The following FXR2 variants were observed in gnomAD, a reference collection of about 807,000 sequenced individuals.
FXR2 encodes the protein RNA-binding protein FXR2.
Under a neutral mutation model 87.3 loss-of-function variants are expected in FXR2, and 9 were observed. The ratio of observed to expected loss-of-function variants is 0.10; its 90% CI spans 0.06 to 0.18. The LOEUF is 0.18. FXR2 is among the 10% of genes least tolerant of loss of function. The pLI, the probability that FXR2 is intolerant of heterozygous loss-of-function variation, is 1.00. For synonymous variants in FXR2, 331 were observed against 328.3 expected (o/e 1.01, Z -0.09); for missense variants, 661 against 893.6 (o/e 0.74, Z 3.32).
rs61730843 is a variant in FXR2, at chr17:7,593,093, G to A, written c.1419C>T (p.Pro473=). 7.1e-3 allele frequency: 11,263 copies of A among 1,594,744 alleles called. 64 individuals are homozygous for A. The highest frequency in any genetic ancestry group is 9.8e-3 in the Middle Eastern group (58 of 5,946). The change falls in exon 13 of 17, where the codon CCC becomes CCT. Residue 473 remains proline, a synonymous_variant. Transcript: ENST00000250113. The surrounding 1 kb of genome is among the most constrained non-coding windows in gnomAD (Gnocchi z 6.1). The part of the protein sequence containing the change: ...PNRAGPGDRD[P]PTRGEESRRR... ...TCCGGCTTTCTTCCCCTCGGGTTGG[G>A]GGATCCCTGTCGCCAGGCCCAGCTC...
intron 3 of FXR2, among the ~76,000 whole-genome samples, chr17:7,605,390 C>A (rs112011970): frequency 0.029 from 4,338 of 151,850 alleles, 91 homozygotes; most frequent in African/African-American, 0.059. Flanking sequence ...ACAACAACAA[C>A]AAAAAAATCA....
At chr17:7,597,661 G>A (rs1454354897) in intron 7 of FXR2, among the ~76,000 whole-genome samples, 2 of 152,186 alleles carry the variant, frequency 1.3e-5, no homozygotes, top group East Asian at 1.9e-4. Flanking sequence ...CACCTGCCTC[G>A]GCTTCCCAAA....
In FXR2 at chr17:7,603,890, A is replaced by G; in HGVS notation, c.316T>C (p.Tyr106His). The G allele has an allele frequency of 6.2e-7, 1 of 1,614,000 alleles. No homozygotes were observed. Among genetic ancestry groups the G allele is most frequent in the Non-Finnish European group, 8.5e-7 (1 of 1,179,884 alleles). Residue 106 changes from tyrosine to histidine, a missense_variant, in exon 5 of 17, where the codon TAT becomes CAT. Tyr to His is a moderately conservative substitution (Grantham distance 83, BLOSUM62 2). Transcript: ENST00000250113. ...TTGTAGGTGGCATCACAGGCAGCAT[A>G]TTCAATGACATAGAACTGGCACATG... ...MMKGDFYVIEYAACDATYNEI... is the reference protein window; with the variant it reads ...MMKGDFYVIEHAACDATYNEI...
chr17:7,591,759 GT>G lies in FXR2; in HGVS notation c.*70del. On this transcript the variant is annotated 3_prime_UTR_variant, in exon 17 of 17. Transcript: ENST00000250113. This position sits in a 1 kb window ranked among gnomAD's most constrained non-coding sequence, Gnocchi z 4.0. ...ATAAGAGCAGCTCCAGCGCAGGTCAGTTGGGCCTGTGAGGGCCATGGTGTTG... is the reference window on the plus strand; with the variant it reads ...ATAAGAGCAGCTCCAGCGCAGGTCAGTGGGCCTGTGAGGGCCATGGTGTTG... The G allele has an allele frequency of 1.2e-6, 1 of 868,378 alleles. No homozygotes were observed. The allele number at this position is 868,378 out of a possible 1,614,324, so 53.8% of individuals were successfully genotyped here.
chr17:7,609,982 A>ATGTG (rs1567753928), intron 1 of FXR2, among the ~76,000 whole-genome samples: 1 of 42,204 alleles, frequency 2.4e-5, no homozygotes, highest in Non-Finnish European at 7.0e-5. Flanking sequence ...ATGTATACAT[A>ATGTG]TATATATACA....
chr17:7,605,496 TA>T, intron 3 of FXR2, 148 bp downstream of exon 3: 1 of 571,254 alleles, frequency 1.8e-6, no homozygotes, highest in Non-Finnish European at 3.2e-6. Context: ...ACAACAGTGA[TA>T]AAAGGGGAAC....
At position 7,614,876 on chromosome 17, in the gene FXR2, C is replaced by G. The variant is rs2071936606; in HGVS notation, c.-344G>C. On this transcript the variant is annotated 5_prime_UTR_variant, in exon 1 of 17. Coordinates refer to ENST00000250113, the MANE Select transcript of FXR2 (RefSeq NM_004860.4). ...CTGCCGCTCCACAGCCTCCACCTCC[C>G]CCTGCCACCGCCGCCTACTGCGCAG... 6.4e-6 allele frequency: 1 copy of G among 156,754 alleles called. No homozygotes were observed. Among genetic ancestry groups the G allele is most frequent in the East Asian group, 1.9e-4 (1 of 5,388 alleles). The allele number at this position is 156,754 out of a possible 1,614,324, so 9.7% of individuals were successfully genotyped here.
At chr17:7,601,661 G>C (rs2071756963) in intron 6 of FXR2, 136 bp from the exon 7 acceptor site, 2 of 593,182 alleles carry the variant, frequency 3.4e-6, no homozygotes, top group Non-Finnish European at 6.1e-6. Context: ...GGGCGCGGTG[G>C]CTCATGCCTG....
intron 1 of FXR2, among the ~76,000 whole-genome samples, chr17:7,611,107 T>C (rs932893742): frequency 6.6e-6 from 1 of 152,176 alleles, no homozygotes; most frequent in Non-Finnish European, 1.5e-5. Flanking sequence ...GATTGCGCCC[T>C]GGACGGTGAA....
Position 7,591,775 on chromosome 17 carries a change from C to A in FXR2, c.*55G>T. The stretch of plus-strand genomic sequence containing the variant: ...CGCAGGTCAGTTGGGCCTGTGAGGG[C>A]CATGGTGTTGGGCAGCAAGCGAGAT... On this transcript the variant is annotated 3_prime_UTR_variant, in exon 17 of 17. Transcript: ENST00000250113. This position sits in a 1 kb window ranked among gnomAD's most constrained non-coding sequence, Gnocchi z 4.0. 1.0e-6 allele frequency: 1 copy of A among 973,964 alleles called. No homozygotes were observed. The highest frequency in any genetic ancestry group is 1.3e-5 in the South Asian group (1 of 76,596). 60.3% of individuals were successfully genotyped at this position (973,964 alleles called of 1,614,324 possible).
Position 7,601,418 on chromosome 17 carries a change from C to T in FXR2, c.651G>A (p.Lys217=), listed in dbSNP as rs1293342046. ...LLMSRNEEAT[K]HLETSKQLAA... The stretch of plus-strand genomic sequence containing the variant: ...AGGAGCTAAAAGTTACCTCTAGGTG[C>T]TTGGTAGCTTCTTCATTGCGGGACA... Residue 217 remains lysine (K), a synonymous_variant, in exon 7 of 17, where the codon AAG becomes AAA. Transcript: ENST00000250113. The T allele has an allele frequency of 2.5e-6, 4 of 1,598,400 alleles. No individual in the cohort carries two copies. In the African/African-American group the frequency reaches 4.0e-5, roughly 16 times the overall value.
At chr17:7,613,177 A>G (rs1318752525) in intron 1 of FXR2, among the ~76,000 whole-genome samples, 5 of 151,738 alleles carry the variant, frequency 3.3e-5, no homozygotes, top group South Asian at 2.1e-4. Flanking sequence ...ACAGTGGGGG[A>G]AAAAGGCCTG....
Position 7,594,479 on chromosome 17 carries a change from C to T in FXR2, c.911-132G>A. 1.5e-6 allele frequency: 1 copy of T among 688,298 alleles called. No individual in the cohort carries two copies. The highest frequency in any genetic ancestry group is 2.7e-5 in the Admixed American group (1 of 36,656). 42.6% of individuals were successfully genotyped at this position (688,298 alleles called of 1,614,324 possible). A position where few individuals can be genotyped will look rare whatever the true frequency, so the allele number is the denominator to read the frequency against. ...ACTTCATTCTCCTGCTTCTAGGTTTCTGATGTGTTTTTACAGGACAAAATG... is the reference window on the plus strand; with the variant it reads ...ACTTCATTCTCCTGCTTCTAGGTTTTTGATGTGTTTTTACAGGACAAAATG... On this transcript the variant is annotated intron_variant, in intron 9 of 16. Coordinates refer to ENST00000250113, the MANE Select transcript of FXR2 (RefSeq NM_004860.4). This position sits in a 1 kb window ranked among gnomAD's most constrained non-coding sequence, Gnocchi z 5.1.
intron 7 of FXR2, among the ~76,000 whole-genome samples, chr17:7,596,991 T>C (rs2071712768): frequency 6.6e-6 from 1 of 151,860 alleles, no homozygotes; most frequent in African/African-American, 2.4e-5. Context: ...TCCCAGCTGC[T>C]TGGGAGGCTG....
chr17:7,605,188 G>A (rs1212376034), intron 3 of FXR2, among the ~76,000 whole-genome samples: 1 of 143,252 alleles, frequency 7.0e-6, no homozygotes, highest in Non-Finnish European at 1.5e-5. Context: ...GGCCAACATG[G>A]TGAAACCATG....
At position 7,593,004 on chromosome 17, in the gene FXR2, T is replaced by C. The variant is rs528277889; in HGVS notation, c.1508A>G (p.Asn503Ser). ...GGTACCTGAGCTAATAGATGAAGAA[T>C]TGTATCTCGAAGTGGGCCGGGGGGC... is the stretch of plus-strand genomic sequence containing the variant. ...PPAPRPTSRY[N>S]SSSISSVLKD... Residue 503 changes from asparagine (N) to serine (S), a missense_variant, in exon 13 of 17, where the codon AAT (asparagine) becomes AGT (serine). Coordinates refer to ENST00000250113, the MANE Select transcript of FXR2 (RefSeq NM_004860.4). This position sits in a 1 kb window ranked among gnomAD's most constrained non-coding sequence, Gnocchi z 6.1. 20 of 1,573,984 alleles carry C rather than the reference T, an allele frequency of 1.3e-5. No homozygotes were observed. The highest frequency in any genetic ancestry group is 1.9e-5 in the Admixed American group (1 of 51,724).
intron 1 of FXR2, among the ~76,000 whole-genome samples, chr17:7,613,278 T>C (rs2071891650): frequency 6.6e-6 from 1 of 151,684 alleles, no homozygotes; most frequent in Non-Finnish European, 1.5e-5. Flanking sequence ...CAGGGTGAAA[T>C]CAAAGAATGA....
rs370896009 is a variant in FXR2, at chr17:7,592,632, C to T, written c.1730-33G>A. ...GTAGGAAAAAACCAGAGTCACACAT[C>T]CAACCTCCCACCCTCGATTCCTACC... On this transcript the variant is annotated intron_variant, in intron 14 of 16. Coordinates refer to ENST00000250113, the MANE Select transcript of FXR2 (RefSeq NM_004860.4). The surrounding 1 kb of genome is among the most constrained non-coding windows in gnomAD (Gnocchi z 4.8). 5.0e-6 allele frequency: 8 copies of T among 1,612,510 alleles called. No individual in the cohort carries two copies. The African/African-American group carries it at 9.4e-5, about 19-fold the overall frequency.
chr17:7,601,048 G>A (rs373225218), intron 7 of FXR2, among the ~76,000 whole-genome samples: 6 of 146,202 alleles, frequency 4.1e-5, no homozygotes, highest in East Asian at 4.1e-4. Flanking sequence ...GTGTGGTGGC[G>A]CACGCCTGTA....
Sources: allele counts gnomAD v4.1 joint callset (sites outside exome capture counted in the v4.1 genomes callset), GRCh38; gene constraint gnomAD v4.1.1; non-coding constraint Gnocchi (gnomAD v3.1); transcripts MANE v1.5; gene names NCBI Gene and HGNC (gene_info 2026-07-23, HGNC 2026-07-21).